Variants in KHDRBS3 observed in about 807,000 individuals in gnomAD.
The protein encoded by KHDRBS3 is KH RNA binding domain containing, signal transduction associated 3.
KHDRBS3 carries 23 observed loss-of-function variants against 45.6 expected under a neutral mutation model. The ratio of observed to expected loss-of-function variants is 0.50; its 90% CI spans 0.36 to 0.72. The LOEUF (loss-of-function observed/expected upper bound fraction) is 0.72. Ranked by LOEUF, KHDRBS3 falls within the 30% of genes least tolerant of loss-of-function variation. The pLI is 0.00. For missense variants in KHDRBS3, 352 were observed against 424.8 expected, an observed-to-expected ratio of 0.83 and a Z score of 1.51; for synonymous variants, 162 against 156.5, an observed-to-expected ratio of 1.04 and a Z score of -0.26.
chr8:135,641,858 A>G (rs1831071285), intron 7 of KHDRBS3, among the ~76,000 whole-genome samples: 1 of 152,254 alleles, frequency 6.6e-6, no homozygotes, highest in South Asian at 2.1e-4. Flanking sequence ...ATTTAAAGCT[A>G]TCATATCTTA....
chr8:135,629,192 G>A (rs1407014003), intron 7 of KHDRBS3, among the ~76,000 whole-genome samples: 1 of 152,206 alleles, frequency 6.6e-6, no homozygotes, highest in Non-Finnish European at 1.5e-5. Context: ...GTTAGCATTT[G>A]AAATCCTTTT....
intron 7 of KHDRBS3, among the ~76,000 whole-genome samples, chr8:135,626,469 C>G (rs547616167): frequency 3.3e-5 from 5 of 152,304 alleles, no homozygotes; most frequent in African/African-American, 7.2e-5. Flanking sequence ...ATTGCTGAAG[C>G]TTCCTGGCAT....
intron 7 of KHDRBS3, among the ~76,000 whole-genome samples, chr8:135,620,193 C>T (rs1366960107): frequency 6.6e-6 from 1 of 151,962 alleles, no homozygotes; most frequent in Non-Finnish European, 1.5e-5. Flanking sequence ...CATCCTCAGC[C>T]TCCTGAGTAG....
rs1554620141 is a variant in KHDRBS3 at position 135,512,432 on chromosome 8, G to GGGT, written c.89-8803_89-8802insTGG. ...GAGTTAAGGTGTTTGGAAAAGTCGGGGGGGGGGTAATAACTCTATTGATCT... is the reference window on the plus strand; with the variant it reads ...GAGTTAAGGTGTTTGGAAAAGTCGGGGGTGGGGGGGTAATAACTCTATTGATCT... On this transcript the variant is annotated intron_variant, in intron 1 of 8. Coordinates refer to ENST00000355849, the MANE Select transcript of KHDRBS3 (RefSeq NM_006558.3). 2.9e-5 allele frequency among the ~76,000 whole-genome samples: 4 copies of GGGT among 137,006 alleles called. 1 individual carries two copies. The highest frequency in any genetic ancestry group is 5.2e-4 in the South Asian group (2 of 3,814). The allele number at this position is 137,006 out of a possible 152,430, so 89.9% of individuals were successfully genotyped here. A position where few individuals can be genotyped will look rare whatever the true frequency, so the allele number is the denominator to read the frequency against.
chr8:135,653,049 T>G (rs1831461678), intron 4 of KHDRBS3, among the ~76,000 whole-genome samples: 1 of 152,206 alleles, frequency 6.6e-6, no homozygotes, highest in Non-Finnish European at 1.5e-5. Context: ...TCATTTGAAC[T>G]GCTGCTGGCG....
At chr8:135,498,699 TTTC>T (rs143847639) in intron 1 of KHDRBS3, among the ~76,000 whole-genome samples, 7,099 of 152,284 alleles carry the variant, frequency 0.047, 262 homozygotes, top group East Asian at 0.18. Context: ...AAAGTTGTTT[TTTC>T]TTCTTTTTTT....
At chr8:135,582,575 G>A (rs1170591172) in intron 6 of KHDRBS3, among the ~76,000 whole-genome samples, 1 of 152,138 alleles carries the variant, frequency 6.6e-6, no homozygotes, top group Admixed American at 6.5e-5. Flanking sequence ...TTATCATTCA[G>A]CGATTCTTTG....
At chr8:135,637,287 C>A (rs2131165565) in intron 7 of KHDRBS3, among the ~76,000 whole-genome samples, 1 of 152,274 alleles carries the variant, frequency 6.6e-6, no homozygotes, top group East Asian at 1.9e-4. Context: ...TTAAATATTA[C>A]ATTTCATTTA....
At chr8:135,655,242 A>G (rs943214663) in intron 4 of KHDRBS3, among the ~76,000 whole-genome samples, 2 of 152,238 alleles carry the variant, frequency 1.3e-5, no homozygotes, top group African/African-American at 4.8e-5. Context: ...CTGATGCTTT[A>G]TGCAGGTGAC....
chr8:135,625,363 T>G, intron 7 of KHDRBS3: 2 of 907,114 alleles, frequency 2.2e-6, no homozygotes, highest in Non-Finnish European at 3.7e-6. Flanking sequence ...TCTCCAAGTC[T>G]TCAACGGTAA....
At chr8:135,499,182 G>A (rs763646586) in intron 1 of KHDRBS3, among the ~76,000 whole-genome samples, 15 of 152,122 alleles carry the variant, frequency 9.9e-5, no homozygotes, top group Non-Finnish European at 1.9e-4. Flanking sequence ...TGGTGTCATT[G>A]TGATGTGCAT....
At chr8:135,570,410 A>G (rs1827645584) in intron 5 of KHDRBS3, among the ~76,000 whole-genome samples, 1 of 152,186 alleles carries the variant, frequency 6.6e-6, no homozygotes, top group Non-Finnish European at 1.5e-5. Context: ...GAGAAATTTT[A>G]TTAGGAAAAC....
chr8:135,567,354 A>G (rs1827477761), intron 5 of KHDRBS3, among the ~76,000 whole-genome samples: 1 of 152,132 alleles, frequency 6.6e-6, no homozygotes, highest in Admixed American at 6.5e-5. Context: ...AGATTCCATC[A>G]GACATTTTCA....
intron 7 of KHDRBS3, among the ~76,000 whole-genome samples, chr8:135,631,320 C>T (rs2131139782): frequency 6.8e-6 from 1 of 147,928 alleles, no homozygotes; most frequent in East Asian, 2.0e-4. Flanking sequence ...AACTTTTTTA[C>T]TTTATAAACT....
chr8:135,530,420 T>C (rs1203952833), intron 2 of KHDRBS3, among the ~76,000 whole-genome samples: 3 of 152,172 alleles, frequency 2.0e-5, no homozygotes, highest in South Asian at 2.1e-4. Flanking sequence ...GATTGAACTA[T>C]AAATTTCCAT....
At chr8:135,654,807 A>G (rs778447776) in intron 4 of KHDRBS3, among the ~76,000 whole-genome samples, 40 of 152,218 alleles carry the variant, frequency 2.6e-4, no homozygotes, top group Non-Finnish European at 5.0e-4. Flanking sequence ...TCTCTGAGGA[A>G]ACAGACAGGA....
chr8:135,645,196 G>A, intron 8 of KHDRBS3, 79 bp downstream of exon 8: 1 of 1,454,612 alleles, frequency 6.9e-7, no homozygotes, highest in Non-Finnish European at 9.6e-7. Flanking sequence ...AATGGGAAGA[G>A]AATAAGGACA....
chr8:135,468,029 CTTT>C, intron 1 of KHDRBS3, among the ~76,000 whole-genome samples: 1 of 152,286 alleles, frequency 6.6e-6, no homozygotes, highest in East Asian at 1.9e-4. Flanking sequence ...CCCTCTTTCT[CTTT>C]TTCAATCCCT....
chr8:135,524,352 G>A (rs1190807629), intron 2 of KHDRBS3, among the ~76,000 whole-genome samples: 2 of 152,058 alleles, frequency 1.3e-5, no homozygotes, highest in African/African-American at 4.8e-5. Context: ...TAATGTTAGT[G>A]TTATGCTAGT....
Sources: gnomAD v4.1 joint callset for allele counts (sites outside exome capture counted in the v4.1 genomes callset) on GRCh38, gnomAD v4.1.1 for gene constraint, MANE v1.5 for transcripts, NCBI Gene and HGNC (gene_info 2026-07-23, HGNC 2026-07-21) for gene names.